Variants in DTNA observed in about 807,000 individuals in gnomAD.
DTNA encodes dystrophin-related protein 3.
Under a neutral mutation model 100.7 loss-of-function variants are expected in DTNA, and 43 were observed. The ratio of observed to expected loss-of-function variants is 0.43; its 90% confidence interval spans 0.33 to 0.55. The LOEUF (loss-of-function observed/expected upper bound fraction) is 0.55, where lower values mean the gene tolerates loss of function less well. DTNA is among the 20% of genes least tolerant of loss of function. The pLI, the probability that DTNA is intolerant of heterozygous loss-of-function variation, is 0.04. For missense variants in DTNA, 798 were observed against 953.9 expected (o/e 0.84, Z 2.15); for synonymous variants, 349 against 347.9 (o/e 1.00, Z -0.04).
intron 12 of DTNA, 81 bp downstream of exon 12, chr18:34,838,252 G>T: frequency 1.4e-6 from 2 of 1,468,630 alleles, no homozygotes; most frequent in East Asian, 2.3e-5. Flanking sequence ...AATGCTTTGT[G>T]TGTGAAAGAC....
chr18:34,875,767 A>T (rs1459996756), intron 18 of DTNA, among the ~76,000 whole-genome samples: 1 of 152,190 alleles, frequency 6.6e-6, no homozygotes, highest in African/African-American at 2.4e-5. Context: ...CAAGACTGAG[A>T]TAAGTAATCA....
chr18:34,681,931 T>C (rs1568206769), intron 1 of DTNA, among the ~76,000 whole-genome samples: 1 of 152,180 alleles, frequency 6.6e-6, no homozygotes, highest in African/African-American at 2.4e-5. Context: ...ATAGTTTCAC[T>C]GCCCTAACAA....
At chr18:34,741,587 G>T (rs1054360047) in intron 1 of DTNA, among the ~76,000 whole-genome samples, 4 of 152,078 alleles carry the variant, frequency 2.6e-5, no homozygotes, top group Non-Finnish European at 4.4e-5. Context: ...CAATCCTTTG[G>T]AGCAGAATAT....
chr18:34,671,396 G>A (rs572415119), intron 1 of DTNA, among the ~76,000 whole-genome samples: 17 of 152,198 alleles, frequency 1.1e-4, no homozygotes, highest in African/African-American at 2.2e-4. Flanking sequence ...GCAATGCCTC[G>A]CCCTGCTTTG....
chr18:34,598,624 G>A (rs2051127417), intron 1 of DTNA, among the ~76,000 whole-genome samples: 1 of 152,152 alleles, frequency 6.6e-6, no homozygotes, highest in Non-Finnish European at 1.5e-5. Context: ...AGCACTTTGG[G>A]AGGCCGAGAC....
chr18:34,786,482 G>C (rs557108054), intron 3 of DTNA, among the ~76,000 whole-genome samples: 7 of 152,246 alleles, frequency 4.6e-5, no homozygotes, highest in Non-Finnish European at 8.8e-5. Context: ...ATTTATCTTT[G>C]TTGCTATGGG....
At chr18:34,872,924 G>A (rs889367785) in intron 17 of DTNA, among the ~76,000 whole-genome samples, 1 of 152,160 alleles carries the variant, frequency 6.6e-6, no homozygotes, top group East Asian at 1.9e-4. Context: ...TAAAGACTGG[G>A]GATCAATTTT....
intron 1 of DTNA, among the ~76,000 whole-genome samples, chr18:34,609,443 ACCG>A (rs2053801321): frequency 6.6e-6 from 1 of 151,704 alleles, no homozygotes; most frequent in Admixed American, 6.6e-5. Flanking sequence ...ACGGAGTTTC[ACCG>A]TGTTAGCCAG....
At chr18:34,837,894 G>A (rs1202742000) in intron 11 of DTNA, among the ~76,000 whole-genome samples, 200 bp from the exon 12 acceptor site, 4 of 152,164 alleles carry the variant, frequency 2.6e-5, no homozygotes, top group African/African-American at 9.7e-5. Context: ...CATGGTGATT[G>A]CGATTGTGGT....
chr18:34,799,448 A>G (rs956920483), intron 4 of DTNA, among the ~76,000 whole-genome samples: 4 of 152,246 alleles, frequency 2.6e-5, no homozygotes, highest in Non-Finnish European at 5.9e-5. Context: ...TGCACCAAAA[A>G]AAGTATTGTT....
In DTNA at chr18:34,775,133, C is replaced by CA. The variant is rs113940793; in HGVS notation, c.148+9095dup. Among the ~76,000 whole-genome samples, 206 of 152,326 alleles carry CA rather than the reference C, an allele frequency of 1.4e-3. 1 individual carries two copies. The highest frequency in any genetic ancestry group is 4.7e-3 in the African/African-American group (196 of 41,568). ...ATTATGTTACATTGCACAGTTGCAACAAACCTTAAAATAGGGGAATCACCT... is the reference window on the plus strand; with the variant it reads ...ATTATGTTACATTGCACAGTTGCAACAAAACCTTAAAATAGGGGAATCACCT... On this transcript the variant is annotated intron_variant, in intron 3 of 22. Transcript: ENST00000444659.
intron 1 of DTNA, among the ~76,000 whole-genome samples, chr18:34,687,295 C>T (rs997566531): frequency 2.0e-5 from 3 of 152,160 alleles, no homozygotes; most frequent in African/African-American, 7.2e-5. Flanking sequence ...ATAAATTTCC[C>T]TCTAAACACT....
At chr18:34,665,834 T>C (rs1362046149) in intron 1 of DTNA, among the ~76,000 whole-genome samples, 2 of 152,238 alleles carry the variant, frequency 1.3e-5, no homozygotes, top group African/African-American at 4.8e-5. Context: ...GTTGGACATT[T>C]GGGTTGGTTC....
chr18:34,648,142 G>T (rs926534126), intron 1 of DTNA, among the ~76,000 whole-genome samples: 8 of 152,178 alleles, frequency 5.3e-5, no homozygotes, highest in Admixed American at 2.6e-4. Context: ...TACATTTGAG[G>T]AGCTGGAAAA....
At chr18:34,768,793 G>A (rs909242879) in intron 3 of DTNA, among the ~76,000 whole-genome samples, 3 of 152,178 alleles carry the variant, frequency 2.0e-5, no homozygotes, top group African/African-American at 7.2e-5. Context: ...AGGATAGTGT[G>A]ATGATGAATG....
At chr18:34,794,301 CCTGT>C in intron 4 of DTNA, 51 bp downstream of exon 4, 7 of 1,605,072 alleles carry the variant, frequency 4.4e-6, no homozygotes, top group Non-Finnish European at 6.0e-6. Context: ...GCTTTCACTT[CCTGT>C]CTTACTTGGT....
intron 15 of DTNA, among the ~76,000 whole-genome samples, chr18:34,856,990 T>C (rs1271848697): frequency 6.6e-6 from 1 of 152,200 alleles, no homozygotes; most frequent in African/African-American, 2.4e-5. Flanking sequence ...ATTTTCAGGC[T>C]GAGCTTTATG....
At chr18:34,801,672 G>A (rs531903890) in intron 4 of DTNA, among the ~76,000 whole-genome samples, 6 of 151,838 alleles carry the variant, frequency 4.0e-5, no homozygotes, top group Middle Eastern at 6.8e-3. Context: ...CACCATGCCC[G>A]GCTAATTTTT....
chr18:34,861,446 A>G (rs1439057683), intron 16 of DTNA, among the ~76,000 whole-genome samples: 2 of 134,614 alleles, frequency 1.5e-5, no homozygotes, highest in Non-Finnish European at 3.1e-5. Flanking sequence ...AGATCACGCC[A>G]CTGCACTCCA....
Sources: allele counts gnomAD v4.1 joint callset (sites outside exome capture counted in the v4.1 genomes callset), GRCh38; gene constraint gnomAD v4.1.1; transcripts MANE v1.5; gene names NCBI Gene and HGNC (gene_info 2026-07-23, HGNC 2026-07-21).